PLCL1: variants seen among roughly 807,000 people sequenced by gnomAD.
PLCL1 encodes phospholipase C like 1 (inactive).
Under a neutral mutation model 84.4 loss-of-function variants are expected in PLCL1, and 41 were observed. The ratio of observed to expected loss-of-function variants is 0.49; its 90% CI spans 0.38 to 0.63. PLCL1 has a LOEUF of 0.63. PLCL1 is among the 30% of genes least tolerant of loss of function. The pLI is 0.00. For synonymous variants in PLCL1, 490 were observed against 488.3 expected (o/e 1.00, Z -0.05); for missense variants, 1,206 against 1,367.8 (o/e 0.88, Z 1.87).
intron 1 of PLCL1, among the ~76,000 whole-genome samples, chr2:198,055,486 A>T (rs1160966865): frequency 6.7e-6 from 1 of 149,522 alleles, no homozygotes; most frequent in East Asian, 2.0e-4. Context: ...TCTTAAATAC[A>T]TCAATATTCT....
chr2:197,987,612 C>T (rs745870245), intron 1 of PLCL1, among the ~76,000 whole-genome samples: 1 of 152,164 alleles, frequency 6.6e-6, no homozygotes, highest in Non-Finnish European at 1.5e-5. Flanking sequence ...TTAGGCAGCA[C>T]CAAGATTACA....
At chr2:197,950,099 G>T (rs1689359320) in intron 1 of PLCL1, among the ~76,000 whole-genome samples, 1 of 152,152 alleles carries the variant, frequency 6.6e-6, no homozygotes, top group Admixed American at 6.5e-5. Flanking sequence ...GGATAGCAAA[G>T]ACAATTTCTC....
At chr2:197,814,079 C>G (rs1222880456) in intron 1 of PLCL1, among the ~76,000 whole-genome samples, 1 of 152,150 alleles carries the variant, frequency 6.6e-6, no homozygotes, top group African/African-American at 2.4e-5. Flanking sequence ...ATATTGCATT[C>G]CATTTTCCCT....
intron 1 of PLCL1, among the ~76,000 whole-genome samples, chr2:197,849,867 G>A (rs1315803907): frequency 6.6e-6 from 1 of 152,166 alleles, no homozygotes; most frequent in African/African-American, 2.4e-5. Context: ...GATTATTAAA[G>A]TGAGAGTAGA....
chr2:197,956,100 T>C (rs377763994), intron 1 of PLCL1, among the ~76,000 whole-genome samples: 2 of 152,268 alleles, frequency 1.3e-5, no homozygotes, highest in South Asian at 2.1e-4. Context: ...GTTAGTTTGC[T>C]GAGAATGATA....
At chr2:197,952,926 T>G (rs1359896888) in intron 1 of PLCL1, among the ~76,000 whole-genome samples, 1 of 152,052 alleles carries the variant, frequency 6.6e-6, no homozygotes. Context: ...TAAACCTATT[T>G]TCCTTTATAA....
At chr2:197,923,254 G>T (rs1439421586) in intron 1 of PLCL1, among the ~76,000 whole-genome samples, 12 of 148,752 alleles carry the variant, frequency 8.1e-5, no homozygotes, top group Non-Finnish European at 1.5e-4. Context: ...CGGGCGGGGG[G>T]CTGACCCCCC....
Position 197,964,168 on chromosome 2 carries a change from A to G in PLCL1, c.241-119590A>G, listed in dbSNP as rs116549539. Reference sequence around the variant, plus strand: ...TGGTATTTTGATAGAGATGGCATTGAATCTGTAGATTTCTTTCAGTAGTAT... The same window carrying G: ...TGGTATTTTGATAGAGATGGCATTGGATCTGTAGATTTCTTTCAGTAGTAT... On this transcript the variant is annotated intron_variant, in intron 1 of 5. Coordinates refer to ENST00000428675, the MANE Select transcript of PLCL1 (RefSeq NM_006226.4). Among the ~76,000 whole-genome samples, 927 of 152,224 alleles carry G rather than the reference A, an allele frequency of 6.1e-3. 13 individuals carry two copies. Among genetic ancestry groups the G allele is most frequent in the African/African-American group, 0.021 (882 of 41,566 alleles).
chr2:197,811,963 C>A (rs1391184964), intron 1 of PLCL1, among the ~76,000 whole-genome samples: 4 of 152,144 alleles, frequency 2.6e-5, no homozygotes, highest in Admixed American at 1.3e-4. Context: ...AGTACCCTAA[C>A]CCAACCTTCC....
intron 1 of PLCL1, among the ~76,000 whole-genome samples, chr2:197,859,498 T>C (rs1472335568): frequency 6.6e-6 from 1 of 152,214 alleles, no homozygotes; most frequent in African/African-American, 2.4e-5. Flanking sequence ...TTTCAGTTTA[T>C]ATCTGTGAAA....
At chr2:197,975,223 C>A (rs1194531873) in intron 1 of PLCL1, among the ~76,000 whole-genome samples, 4 of 150,474 alleles carry the variant, frequency 2.7e-5, no homozygotes, top group Non-Finnish European at 5.9e-5. Context: ...TATGACAATG[C>A]CAGTTGTTTT....
At chr2:198,075,467 A>G (rs925551702) in intron 1 of PLCL1, among the ~76,000 whole-genome samples, 13 of 152,218 alleles carry the variant, frequency 8.5e-5, no homozygotes, top group Admixed American at 5.2e-4. Flanking sequence ...CAGCAGTGGG[A>G]TTAGTGAAAA....
At chr2:197,973,668 C>T (rs1481763873) in intron 1 of PLCL1, among the ~76,000 whole-genome samples, 1 of 152,064 alleles carries the variant, frequency 6.6e-6, no homozygotes, top group Non-Finnish European at 1.5e-5. Flanking sequence ...AGGAGCTTCA[C>T]ATGTTCAGGG....
chr2:197,941,490 C>T (rs1036680701), intron 1 of PLCL1, among the ~76,000 whole-genome samples: 1 of 152,146 alleles, frequency 6.6e-6, no homozygotes, highest in African/African-American at 2.4e-5. Context: ...TAGGGTCTTA[C>T]TATGTTTCCC....
chr2:198,025,818 A>G (rs755960179), intron 1 of PLCL1, among the ~76,000 whole-genome samples: 9 of 152,184 alleles, frequency 5.9e-5, no homozygotes, highest in Non-Finnish European at 1.2e-4. Context: ...GAGAGTGATA[A>G]CAATCACTTA....
chr2:197,841,794 A>C (rs1029976196), intron 1 of PLCL1, among the ~76,000 whole-genome samples: 7 of 152,218 alleles, frequency 4.6e-5, no homozygotes, highest in African/African-American at 1.4e-4. Flanking sequence ...TGTCAAGGTA[A>C]CTTCTGATGT....
At chr2:197,887,315 A>G (rs1435793903) in intron 1 of PLCL1, among the ~76,000 whole-genome samples, 1 of 152,180 alleles carries the variant, frequency 6.6e-6, no homozygotes, top group African/African-American at 2.4e-5. Context: ...GAGGGGAGAC[A>G]TTTGAGTTGT....
intron 5 of PLCL1, among the ~76,000 whole-genome samples, chr2:198,122,851 A>T (rs1283949756): frequency 6.6e-6 from 1 of 152,142 alleles, no homozygotes; most frequent in Non-Finnish European, 1.5e-5. Context: ...AGTGTTTTGT[A>T]CTTATTAAAT....
chr2:198,124,157 A>G (rs998187660), intron 5 of PLCL1, among the ~76,000 whole-genome samples: 4 of 152,106 alleles, frequency 2.6e-5, no homozygotes, highest in Non-Finnish European at 5.9e-5. Context: ...ATTTTTATGT[A>G]AAGTGGGGTG....
Sources: gnomAD v4.1 joint callset for allele counts (sites outside exome capture counted in the v4.1 genomes callset) on GRCh38, gnomAD v4.1.1 for gene constraint, MANE v1.5 for transcripts, NCBI Gene and HGNC (gene_info 2026-07-23, HGNC 2026-07-21) for gene names.